Variants in TSPAN15 observed in about 807,000 individuals in gnomAD.
The protein encoded by TSPAN15 is tetraspanin-15.
A neutral mutation model predicts 34.5 loss-of-function variants in TSPAN15; 20 were observed. That is an observed-to-expected ratio of 0.58 (90% CI 0.41 to 0.84). The LOEUF is 0.84. Ranked by LOEUF, TSPAN15 falls within the 40% of genes least tolerant of loss-of-function variation. The pLI is 0.00. For synonymous variants in TSPAN15, 155 were observed against 153.9 expected, an observed-to-expected ratio of 1.01 and a Z score of -0.05; for missense variants, 313 against 386.1, an observed-to-expected ratio of 0.81 and a Z score of 1.59.
intron 1 of TSPAN15, among the ~76,000 whole-genome samples, chr10:69,481,960 T>C (rs2133108380): frequency 6.6e-6 from 1 of 152,046 alleles, no homozygotes; most frequent in South Asian, 2.1e-4. Context: ...ATGTTGATCA[T>C]AAATGCTGAT....
At chr10:69,467,637 AACACACACACAC>A (rs36028041) in intron 1 of TSPAN15, among the ~76,000 whole-genome samples, 2 of 78,104 alleles carry the variant, frequency 2.6e-5, no homozygotes, top group Non-Finnish European at 3.6e-5. Flanking sequence ...AAAACAAAAC[AACACACACACAC>A]ACACACACAC....
At chr10:69,500,292 T>C (rs1490275407) in intron 5 of TSPAN15, among the ~76,000 whole-genome samples, 1 of 152,116 alleles carries the variant, frequency 6.6e-6, no homozygotes, top group African/African-American at 2.4e-5. Flanking sequence ...TGTCCCCTAC[T>C]GGGGTGAGGG....
rs1841797639 is a variant in TSPAN15 at position 69,484,108 on chromosome 10, T to C, written c.282+232T>C. On this transcript the variant is annotated intron_variant, in intron 2 of 7. Coordinates refer to ENST00000373290, the MANE Select transcript of TSPAN15 (RefSeq NM_012339.5). ...TTCTTACTTAAACTCTGTGTTCATC[T>C]GGATGCTCAGTTGCGAGTAGGAAAA... The C allele has an allele frequency of 1.1e-5, 5 of 445,506 alleles. No individual in the cohort carries two copies. In the South Asian group the frequency reaches 3.2e-4, roughly 29 times the overall value. The allele number at this position is 445,506 out of a possible 1,614,324, so 27.6% of individuals were successfully genotyped here.
the TSPAN15 span, among the ~76,000 whole-genome samples, chr10:69,515,052 G>A: frequency 1.3e-5 from 2 of 152,186 alleles, no homozygotes; most frequent in South Asian, 2.1e-4. Context: ...TAGGTCCTAT[G>A]TCCCTGTGGC....
At chr10:69,488,561 A>G (rs915779481) in intron 3 of TSPAN15, among the ~76,000 whole-genome samples, 1 of 152,230 alleles carries the variant, frequency 6.6e-6, no homozygotes, top group Non-Finnish European at 1.5e-5. Flanking sequence ...TCTATTTTCC[A>G]TAAGTGTCAG....
chr10:69,493,867 G>A (rs1461313852), intron 3 of TSPAN15, among the ~76,000 whole-genome samples: 2 of 152,072 alleles, frequency 1.3e-5, no homozygotes, highest in Non-Finnish European at 2.9e-5. Context: ...TGCCCACCTC[G>A]GCCTCCCAAA....
chr10:69,482,264 A>G (rs1841749992), intron 1 of TSPAN15, among the ~76,000 whole-genome samples: 1 of 152,238 alleles, frequency 6.6e-6, no homozygotes, highest in African/African-American at 2.4e-5. Context: ...GGAGTAAGCC[A>G]TGAGTGTGTC....
At chr10:69,498,055 C>T (rs185791951) in intron 4 of TSPAN15, among the ~76,000 whole-genome samples, 1 of 152,324 alleles carries the variant, frequency 6.6e-6, no homozygotes, top group African/African-American at 2.4e-5. Context: ...CACCAAGAGG[C>T]AGCCCAGCCT....
intron 1 of TSPAN15, among the ~76,000 whole-genome samples, chr10:69,483,112 C>A (rs1335988770): frequency 6.6e-6 from 1 of 152,140 alleles, no homozygotes; most frequent in Non-Finnish European, 1.5e-5. Flanking sequence ...CCTCAGCCTC[C>A]CGAATAGCTG....
At chr10:69,520,645 G>A in the TSPAN15 span, among the ~76,000 whole-genome samples, 1 of 152,192 alleles carries the variant, frequency 6.6e-6, no homozygotes, top group Admixed American at 6.5e-5. Context: ...GACAGAGCAA[G>A]ACCTTGTCTC....
rs533925498 is a variant in TSPAN15 at position 69,507,125 on chromosome 10, C to T, written c.*147C>T. The T allele has an allele frequency of 4.8e-6, 7 of 1,458,432 alleles. No homozygotes were observed. Among genetic ancestry groups the T allele is most frequent in the African/African-American group, 1.4e-5 (1 of 69,862 alleles). The allele number at this position is 1,458,432 out of a possible 1,614,324, so 90.3% of individuals were successfully genotyped here. ...GCTGTGTGTGCCTGTGTGTAGGTCC[C>T]ACGGCCTCTGCCTCCCCAGGGAGCA... On this transcript the variant is annotated 3_prime_UTR_variant, in exon 8 of 8. Coordinates refer to ENST00000373290, the MANE Select transcript of TSPAN15 (RefSeq NM_012339.5).
the TSPAN15 span, among the ~76,000 whole-genome samples, chr10:69,526,631 A>C: frequency 0.053 from 7,809 of 147,246 alleles, 890 homozygotes; most frequent in Non-Finnish European, 0.074. Context: ...TGTCTCTACA[A>C]AAATAAAAGT....
chr10:69,455,162 A>C (rs1841058476), intron 1 of TSPAN15, among the ~76,000 whole-genome samples: 1 of 151,560 alleles, frequency 6.6e-6, no homozygotes, highest in Admixed American at 6.6e-5. Context: ...AAAAAAAAAA[A>C]AAAAAAGGAA....
At chr10:69,493,705 C>A (rs1021502451) in intron 3 of TSPAN15, among the ~76,000 whole-genome samples, 2 of 152,204 alleles carry the variant, frequency 1.3e-5, no homozygotes, top group East Asian at 3.8e-4. Context: ...ATCTCCTGAC[C>A]TTGTGATCCG....
At chr10:69,521,364 G>A in the TSPAN15 span, among the ~76,000 whole-genome samples, 2 of 147,032 alleles carry the variant, frequency 1.4e-5, no homozygotes, top group African/African-American at 2.5e-5. Context: ...ACAAAAATTA[G>A]CCAGGTGTGG....
chr10:69,506,469 A>C lies in TSPAN15; in HGVS notation c.735+229A>C, dbSNP rs767053947. 3.4e-6 allele frequency: 2 copies of C among 596,080 alleles called. No individual in the cohort carries two copies. Among genetic ancestry groups the C allele is most frequent in the Non-Finnish European group, 6.0e-6 (2 of 334,850 alleles). 36.9% of individuals were successfully genotyped at this position (596,080 alleles called of 1,614,324 possible). A position where few individuals can be genotyped will look rare whatever the true frequency, so the allele number is the denominator to read the frequency against. ...TTCTTTTTGTGAGGGAGGCACTATT[A>C]TAATGCCTATTTCACAGAGGAGGAA... On this transcript the variant is annotated intron_variant, in intron 7 of 7. Coordinates refer to ENST00000373290, the MANE Select transcript of TSPAN15 (RefSeq NM_012339.5). This position sits in a 1 kb window ranked among gnomAD's most constrained non-coding sequence, Gnocchi z 4.7.
Position 69,506,844 on chromosome 10 carries a change from C to T in TSPAN15, c.751C>T (p.Leu251=), listed in dbSNP as rs1299583336. 6.3e-7 allele frequency: 1 copy of T among 1,587,852 alleles called. No homozygotes were observed. ...TTCTTCTCAGTTCCTGGGGGTGCTG[C>T]TGACGCTGCTGTACATCACCCGGGT... The part of the protein sequence containing the change: ...ILLPQFLGVL[L]TLLYITRVED... Residue 251 remains leucine (L), a synonymous_variant, in exon 8 of 8, where the codon CTG becomes TTG. Transcript: ENST00000373290. The surrounding 1 kb of genome is among the most constrained non-coding windows in gnomAD (Gnocchi z 4.7).
At chr10:69,476,042 A>G (rs373442142) in intron 1 of TSPAN15, among the ~76,000 whole-genome samples, 47 of 152,304 alleles carry the variant, frequency 3.1e-4, no homozygotes, top group Admixed American at 2.2e-3. Flanking sequence ...TTTCTCCCCA[A>G]ACGGATCTAT....
At chr10:69,484,789 A>G (rs1841815107) in intron 2 of TSPAN15, among the ~76,000 whole-genome samples, 1 of 152,074 alleles carries the variant, frequency 6.6e-6, no homozygotes. Context: ...CCTGCCCATT[A>G]AGCCAGGCCT....
Sources: gnomAD v4.1 joint callset for allele counts (sites outside exome capture counted in the v4.1 genomes callset) on GRCh38, gnomAD v4.1.1 for gene constraint, Gnocchi (gnomAD v3.1) non-coding constraint, MANE v1.5 for transcripts, NCBI Gene and HGNC (gene_info 2026-07-23, HGNC 2026-07-21) for gene names.